ERBB4: variants seen among roughly 807,000 people sequenced by gnomAD.
ERBB4 encodes erb-b2 receptor tyrosine kinase 4.
A neutral mutation model predicts 158.0 loss-of-function variants in ERBB4; 42 were observed. The observed-to-expected ratio is 0.27, with a 90% CI of 0.21 to 0.34. ERBB4 has a LOEUF of 0.34. Among genes scored for constraint, ERBB4 ranks in the 10% least tolerant of loss-of-function variants. ERBB4 has a pLI of 1.00. For synonymous variants in ERBB4, 583 were observed against 558.7 expected (o/e 1.04, Z -0.61); for missense variants, 1,333 against 1,624.1 (o/e 0.82, Z 3.08).
intron 19 of ERBB4, among the ~76,000 whole-genome samples, chr2:211,571,422 T>C (rs1312824302): frequency 6.6e-6 from 1 of 152,168 alleles, no homozygotes; most frequent in Non-Finnish European, 1.5e-5. Context: ...AGGGCATTTT[T>C]TTTCTCTCGA....
intron 2 of ERBB4, among the ~76,000 whole-genome samples, chr2:212,012,855 C>T (rs1171837549): frequency 1.3e-5 from 2 of 152,040 alleles, no homozygotes; most frequent in African/African-American, 2.4e-5. Flanking sequence ...AGCAATCCTC[C>T]CACCTCAGCC....
chr2:212,354,790 T>C (rs1252994521), intron 1 of ERBB4, among the ~76,000 whole-genome samples: 1 of 152,082 alleles, frequency 6.6e-6, no homozygotes, highest in Non-Finnish European at 1.5e-5. Context: ...TAAAAATCTG[T>C]TGAAGTTTCC....
intron 3 of ERBB4, among the ~76,000 whole-genome samples, chr2:211,871,452 T>C (rs993781646): frequency 2.3e-4 from 35 of 152,078 alleles, no homozygotes; most frequent in African/African-American, 7.5e-4. Flanking sequence ...TCCATCTCTC[T>C]ACCATGTGCC....
intron 1 of ERBB4, among the ~76,000 whole-genome samples, chr2:212,164,282 A>G (rs2081284244): frequency 8.3e-6 from 1 of 120,888 alleles, no homozygotes; most frequent in African/African-American, 3.1e-5. Flanking sequence ...GATTTCAAAG[A>G]CGTATGATAT....
At chr2:212,145,481 C>T (rs1165037240) in intron 1 of ERBB4, among the ~76,000 whole-genome samples, 2 of 151,982 alleles carry the variant, frequency 1.3e-5, no homozygotes, top group Non-Finnish European at 2.9e-5. Flanking sequence ...ATTAACTTAC[C>T]CCAGAAAAGC....
At chr2:211,807,337 G>T (rs56950863) in intron 3 of ERBB4, among the ~76,000 whole-genome samples, 2,718 of 152,034 alleles carry the variant, frequency 0.018, 94 homozygotes, top group African/African-American at 0.063. Context: ...CGTTTCCTGC[G>T]CTGTGCCCAA....
chr2:211,874,236 A>G (rs190531331), intron 3 of ERBB4, among the ~76,000 whole-genome samples: 15 of 152,286 alleles, frequency 9.8e-5, no homozygotes, highest in Admixed American at 7.2e-4. Flanking sequence ...AAGAATAAAG[A>G]CAAAATAGAA....
chr2:212,208,876 G>C (rs949967022), intron 1 of ERBB4, among the ~76,000 whole-genome samples: 5 of 152,092 alleles, frequency 3.3e-5, no homozygotes, highest in African/African-American at 1.2e-4. Context: ...TAAATATACA[G>C]CTTAAGGACC....
chr2:211,771,716 G>A (rs1454552555), intron 4 of ERBB4, among the ~76,000 whole-genome samples: 1 of 152,182 alleles, frequency 6.6e-6, no homozygotes, highest in African/African-American at 2.4e-5. Flanking sequence ...CGAAGTGTGT[G>A]TGTATGTGTG....
chr2:212,185,012 C>CTTTTTTTTCTTT (rs1559682594), intron 1 of ERBB4, among the ~76,000 whole-genome samples: 15 of 139,876 alleles, frequency 1.1e-4, no homozygotes, highest in African/African-American at 3.5e-4. Context: ...ATCACAGTTA[C>CTTTTTTTTCTTT]TTTTTTTTCT....
intron 20 of ERBB4, among the ~76,000 whole-genome samples, chr2:211,528,178 A>G (rs924726237): frequency 2.6e-5 from 4 of 152,078 alleles, no homozygotes; most frequent in African/African-American, 9.6e-5. Flanking sequence ...TTCCATGCCA[A>G]TGGAAACAAA....
At chr2:212,302,800 A>G (rs1396353194) in intron 1 of ERBB4, among the ~76,000 whole-genome samples, 1 of 151,580 alleles carries the variant, frequency 6.6e-6, no homozygotes, top group African/African-American at 2.4e-5. Context: ...TTAAGAAAAC[A>G]CACATGAGCA....
intron 13 of ERBB4, among the ~76,000 whole-genome samples, chr2:211,674,119 C>T (rs1433015852): frequency 6.6e-6 from 1 of 151,936 alleles, no homozygotes; most frequent in African/African-American, 2.4e-5. Flanking sequence ...GTTAAACCAC[C>T]CCATCCCACT....
chr2:211,849,357 T>C (rs969281194), intron 3 of ERBB4, among the ~76,000 whole-genome samples: 1 of 152,020 alleles, frequency 6.6e-6, no homozygotes, highest in African/African-American at 2.4e-5. Flanking sequence ...GATTAATTTG[T>C]ACTTTTATTG....
intron 2 of ERBB4, among the ~76,000 whole-genome samples, chr2:211,999,821 G>A (rs921119848): frequency 2.0e-5 from 3 of 151,406 alleles, no homozygotes; most frequent in African/African-American, 7.3e-5. Flanking sequence ...TCATTTTACT[G>A]TAGAATATTT....
chr2:211,520,213 G>A (rs2066150340), intron 20 of ERBB4, among the ~76,000 whole-genome samples: 1 of 152,038 alleles, frequency 6.6e-6, no homozygotes, highest in Non-Finnish European at 1.5e-5. Flanking sequence ...TTTTGGTTTT[G>A]TTTCATACGG....
At chr2:211,611,629 T>G (rs2125833153) in intron 19 of ERBB4, among the ~76,000 whole-genome samples, 1 of 152,290 alleles carries the variant, frequency 6.6e-6, no homozygotes, top group East Asian at 1.9e-4. Context: ...TATTTATTTT[T>G]GCCAAAATCT....
intron 3 of ERBB4, among the ~76,000 whole-genome samples, chr2:211,921,615 GT>G (rs1031953693): frequency 6.6e-6 from 1 of 152,006 alleles, no homozygotes; most frequent in Non-Finnish European, 1.5e-5. Context: ...CAGTAAACAT[GT>G]TTTAACAATG....
At chr2:212,372,316 A>G (rs921781200) in intron 1 of ERBB4, among the ~76,000 whole-genome samples, 2 of 152,152 alleles carry the variant, frequency 1.3e-5, no homozygotes, top group Non-Finnish European at 2.9e-5. Context: ...TGTCTTCATC[A>G]CAACGCAAAA....
Sources: gnomAD v4.1 joint callset for allele counts (sites outside exome capture counted in the v4.1 genomes callset) on GRCh38, gnomAD v4.1.1 for gene constraint, MANE v1.5 for transcripts, NCBI Gene and HGNC (gene_info 2026-07-23, HGNC 2026-07-21) for gene names.